Variants in VAMP7 observed in about 807,000 individuals in gnomAD.
VAMP7 encodes the protein vesicle associated membrane protein 7, also known as vesicle-associated membrane protein 7.
In VAMP7, 14 loss-of-function variants were observed where a neutral mutation model predicts 29.6. The ratio of observed to expected loss-of-function variants is 0.47; its 90% CI spans 0.31 to 0.74. VAMP7 has a LOEUF of 0.74. Ranked by LOEUF, VAMP7 falls within the 30% of genes least tolerant of loss-of-function variation. VAMP7 has a pLI of 0.05. For missense variants in VAMP7, 223 were observed against 262.4 expected (o/e 0.85, Z 1.04); for synonymous variants, 95 against 88.1 (o/e 1.08, Z -0.44).
intron 5 of VAMP7, among the ~76,000 whole-genome samples, chrX:155,904,949 C>T (rs929536871): frequency 6.7e-6 from 1 of 149,374 alleles, no homozygotes; most frequent in African/African-American, 2.4e-5. Context: ...GCTTACATAC[C>T]TAGGAATAGA....
chrX:155,915,205 G>GA (rs1313500214), intron 5 of VAMP7, among the ~76,000 whole-genome samples: 1 of 152,056 alleles, frequency 6.6e-6, no homozygotes, highest in Admixed American at 6.5e-5. Flanking sequence ...GATCAGTGGT[G>GA]ATACCCCCTT....
chrX:155,901,649 T>C (rs941313145), intron 5 of VAMP7, among the ~76,000 whole-genome samples: 5 of 152,114 alleles, frequency 3.3e-5, no homozygotes, highest in Admixed American at 3.3e-4. Context: ...CATTGCTTGT[T>C]TTTCTTAGGT....
At chrX:155,888,327 G>A (rs1295317640) in intron 1 of VAMP7, among the ~76,000 whole-genome samples, 1 of 152,194 alleles carries the variant, frequency 6.6e-6, no homozygotes, top group Non-Finnish European at 1.5e-5. Flanking sequence ...ATTAAATACA[G>A]ATTCCAGGGC....
At chrX:155,891,107 G>A (rs2065920965) in intron 2 of VAMP7, among the ~76,000 whole-genome samples, 1 of 152,194 alleles carries the variant, frequency 6.6e-6, no homozygotes, top group Non-Finnish European at 1.5e-5. Flanking sequence ...GCCTGATATT[G>A]TTGAGAAGCT....
chrX:155,913,974 A>G (rs930525641), intron 5 of VAMP7, among the ~76,000 whole-genome samples: 2 of 151,070 alleles, frequency 1.3e-5, no homozygotes, highest in African/African-American at 4.8e-5. Context: ...CAGTTTGGCC[A>G]TATTCTTCCT....
Position 155,939,747 on chromosome X carries a change from G to A in VAMP7, c.548G>A (p.Cys183Tyr). 6.2e-7 allele frequency: 1 copy of A among 1,613,898 alleles called. No individual in the cohort carries two copies. The highest frequency in any genetic ancestry group is 1.1e-5 in the South Asian group (1 of 91,062). Reference protein sequence around the residue: ...TTSRNLARAMCMKNLKLTIII... With the variant: ...TTSRNLARAMYMKNLKLTIII... ...AGCAGAAATCTTGCTCGAGCCATGT[G>A]TATGAAGAACCTCAAGCTCACTATT... The change falls in exon 7 of 8, where the codon TGT (cysteine) becomes TAT (tyrosine). Residue 183 changes from cysteine to tyrosine, a missense_variant. Physicochemically the swap from Cys to Tyr is radical, Grantham distance 194 (BLOSUM62 -2). Coordinates refer to ENST00000286448, the MANE Select transcript of VAMP7 (RefSeq NM_005638.6).
intron 6 of VAMP7, among the ~76,000 whole-genome samples, chrX:155,931,113 T>G (rs1435879086): frequency 1.3e-5 from 2 of 152,304 alleles, no homozygotes; most frequent in African/African-American, 2.4e-5. Context: ...TCTATCATTG[T>G]TGGACATTTG....
At chrX:155,908,120 G>A (rs1202535350) in intron 5 of VAMP7, among the ~76,000 whole-genome samples, 2 of 152,140 alleles carry the variant, frequency 1.3e-5, no homozygotes, top group Non-Finnish European at 2.9e-5. Context: ...GACGATGGGT[G>A]CCCAGGCAGA....
chrX:155,900,569 A>G lies in VAMP7; in HGVS notation c.415A>G (p.Ile139Val). 2.5e-6 allele frequency: 4 copies of G among 1,608,872 alleles called. No homozygotes were observed. The highest frequency in any genetic ancestry group is 1.1e-5 in the South Asian group (1 of 89,938). ...AGCCCAAGTGGATGAACTGAAAGGA[A>G]TCATGGTCAGAAACATAGGTATGTT... Reference protein sequence around the residue: ...TQAQVDELKGIMVRNIDLVAQ... With the variant: ...TQAQVDELKGVMVRNIDLVAQ... The change falls in exon 5 of 8, where the codon ATC (isoleucine) becomes GTC (valine). Residue 139 changes from isoleucine (I) to valine (V), a missense_variant. Transcript: ENST00000286448.
At chrX:155,917,204 C>T (rs2066325696) in intron 5 of VAMP7, among the ~76,000 whole-genome samples, 1 of 152,104 alleles carries the variant, frequency 6.6e-6, no homozygotes, top group African/African-American at 2.4e-5. Context: ...TTTTCAGTCC[C>T]ATCAGGTCAT....
intron 5 of VAMP7, among the ~76,000 whole-genome samples, chrX:155,917,632 G>A (rs762325029): frequency 2.7e-4 from 41 of 152,242 alleles, no homozygotes; most frequent in African/African-American, 7.9e-4. Context: ...TATCACCAGC[G>A]GAGGCTGCAG....
intron 5 of VAMP7, among the ~76,000 whole-genome samples, chrX:155,900,870 G>T (rs1179095709): frequency 1.3e-5 from 2 of 152,068 alleles, no homozygotes; most frequent in Admixed American, 6.6e-5. Flanking sequence ...CAGTGTGATT[G>T]TACAGTATTT....
chrX:155,902,323 A>G (rs1304783995), intron 5 of VAMP7, among the ~76,000 whole-genome samples: 41 of 151,694 alleles, frequency 2.7e-4, no homozygotes, highest in Non-Finnish European at 5.0e-4. Flanking sequence ...AATAGGGACA[A>G]TTTGACTTCC....
At chrX:155,914,180 A>G (rs1471244888) in intron 5 of VAMP7, among the ~76,000 whole-genome samples, 3 of 152,168 alleles carry the variant, frequency 2.0e-5, no homozygotes, top group African/African-American at 4.8e-5. Context: ...ATTGGTGTAT[A>G]GGAATGCTTG....
At chrX:155,918,584 T>A (rs1466093812) in intron 5 of VAMP7, among the ~76,000 whole-genome samples, 1 of 152,094 alleles carries the variant, frequency 6.6e-6, no homozygotes, top group Non-Finnish European at 1.5e-5. Flanking sequence ...CCCTTGTGCT[T>A]CCTGGATGAG....
At chrX:155,929,277 GT>G (rs1348863064) in intron 6 of VAMP7, among the ~76,000 whole-genome samples, 1 of 152,152 alleles carries the variant, frequency 6.6e-6, no homozygotes, top group Non-Finnish European at 1.5e-5. Context: ...TTACAAGTAG[GT>G]TTTTAAAGGA....
rs1424634146 is a variant in VAMP7 at position 155,908,061 on chromosome X, CCTCA to C, written c.433+7477_433+7480del. ...GGGATGGCGGCCGGGCAGAGACGCT[CCTCA>C]CTTTCCAGACTGGGCAGCCAGGCAG... On this transcript the variant is annotated intron_variant, in intron 5 of 7. Coordinates refer to ENST00000286448, the MANE Select transcript of VAMP7 (RefSeq NM_005638.6). 3.9e-5 allele frequency among the ~76,000 whole-genome samples: 6 copies of C among 152,026 alleles called. No homozygotes were observed. The East Asian group carries it at 1.2e-3, about 29-fold the overall frequency.
intron 6 of VAMP7, among the ~76,000 whole-genome samples, chrX:155,934,286 T>C (rs1481419611): frequency 6.6e-6 from 1 of 152,196 alleles, no homozygotes; most frequent in Admixed American, 6.5e-5. Context: ...ATCTGTCTAA[T>C]GTTGACAGTG....
At position 155,942,011 on chromosome X, in the gene VAMP7, T is replaced by A. The variant is rs746891950; in HGVS notation, c.*60T>A. On this transcript the variant is annotated 3_prime_UTR_variant, in exon 8 of 8. Transcript: ENST00000286448. Reference sequence around the variant, plus strand: ...AGAACAAGGAGTTAAAAGCAATCCATGTGACTCAAGCCTTTCACATACTGA... The same window carrying A: ...AGAACAAGGAGTTAAAAGCAATCCAAGTGACTCAAGCCTTTCACATACTGA... 2.5e-6 allele frequency: 4 copies of A among 1,613,246 alleles called. No individual in the cohort carries two copies. The highest frequency in any genetic ancestry group is 8.5e-7 in the Non-Finnish European group (1 of 1,179,580).
Sources: allele counts gnomAD v4.1 joint callset (sites outside exome capture counted in the v4.1 genomes callset), GRCh38; gene constraint gnomAD v4.1.1; transcripts MANE v1.5; gene names NCBI Gene and HGNC (gene_info 2026-07-23, HGNC 2026-07-21).